FSIP1: variants seen among roughly 807,000 people sequenced by gnomAD.
FSIP1 encodes fibrous sheath-interacting protein 1.
FSIP1 carries 65 observed loss-of-function variants against 60.9 expected under a neutral mutation model. The ratio of observed to expected loss-of-function variants is 1.07; its 90% CI spans 0.87 to 1.31. The LOEUF is 1.31. Among genes scored for constraint, FSIP1 ranks in the 40% most tolerant of loss-of-function variants. The probability of loss-of-function intolerance (pLI) is 0.00; values close to 1 mark genes in which losing one functional copy is unlikely to be tolerated. For synonymous variants in FSIP1, 209 were observed against 221.2 expected (o/e 0.94, Z 0.49); for missense variants, 675 against 665.5 (o/e 1.01, Z -0.16).
rs147828834 is a variant in FSIP1, at chr15:39,602,982, A to T, written c.1700-2056T>A. Among the ~76,000 whole-genome samples the T allele has an allele frequency of 8.2e-3, 1,243 of 152,284 alleles. 7 individuals are homozygous for T. The highest frequency in any genetic ancestry group is 0.014 in the Non-Finnish European group (950 of 68,022). On this transcript the variant is annotated intron_variant, in intron 11 of 11. Coordinates refer to ENST00000350221, the MANE Select transcript of FSIP1 (RefSeq NM_152597.5). ...CTGGGGGAAATTTTGCCCCCAAAGA[A>T]CATTTTTTGCAATGTCTGGAGACAT...
At chr15:39,706,596 A>G (rs1417747148) in intron 10 of FSIP1, among the ~76,000 whole-genome samples, 1 of 152,238 alleles carries the variant, frequency 6.6e-6, no homozygotes. Context: ...TTCTGTTTAT[A>G]GACACAACAT....
intron 5 of FSIP1, among the ~76,000 whole-genome samples, chr15:39,748,177 T>A (rs1019232610): frequency 6.6e-5 from 10 of 152,196 alleles, no homozygotes; most frequent in Non-Finnish European, 1.5e-4. Flanking sequence ...TTCTTCTTTT[T>A]TGGTTTCACA....
rs547162821 is a variant in FSIP1 at position 39,610,523 on chromosome 15, G to T, written c.1699+7212C>A. Among the ~76,000 whole-genome samples, 23 of 152,258 alleles carry T rather than the reference G, an allele frequency of 1.5e-4. No homozygotes were observed. The South Asian group carries it at 2.3e-3, about 15-fold the overall frequency. On this transcript the variant is annotated intron_variant, in intron 11 of 11. Coordinates refer to ENST00000350221, the MANE Select transcript of FSIP1 (RefSeq NM_152597.5). The stretch of plus-strand genomic sequence containing the variant: ...TCTGCTAAAAATACAAAAATTTGCT[G>T]GGCATGGTGGTGCGTGCCTGCAGTC...
chr15:39,616,462 A>C (rs1427909894), intron 11 of FSIP1, among the ~76,000 whole-genome samples: 2 of 150,884 alleles, frequency 1.3e-5, no homozygotes, highest in African/African-American at 2.4e-5. Context: ...AGAAAACTTA[A>C]CAGAGGGGAC....
chr15:39,607,870 G>A (rs1401109001), intron 11 of FSIP1, among the ~76,000 whole-genome samples: 2 of 152,192 alleles, frequency 1.3e-5, no homozygotes, highest in Non-Finnish European at 2.9e-5. Flanking sequence ...ACACTCTTGT[G>A]TATCTATTTC....
chr15:39,642,167 T>C (rs1892395351), intron 10 of FSIP1, among the ~76,000 whole-genome samples: 1 of 152,150 alleles, frequency 6.6e-6, no homozygotes, highest in Non-Finnish European at 1.5e-5. Flanking sequence ...CAAGTATTCA[T>C]GGTGCAAAAA....
chr15:39,663,419 A>G (rs915964165), intron 10 of FSIP1, among the ~76,000 whole-genome samples: 16 of 152,264 alleles, frequency 1.1e-4, no homozygotes, highest in Middle Eastern at 3.4e-3. Flanking sequence ...AATAACCTCT[A>G]TATCTGTCTA....
intron 5 of FSIP1, among the ~76,000 whole-genome samples, chr15:39,758,216 G>C (rs759576198): frequency 2.0e-5 from 3 of 151,874 alleles, no homozygotes; most frequent in Non-Finnish European, 2.9e-5. Context: ...GTTTTGATTT[G>C]GTTTTGAAAA....
At chr15:39,683,162 C>A (rs1412339410) in intron 10 of FSIP1, among the ~76,000 whole-genome samples, 1 of 152,138 alleles carries the variant, frequency 6.6e-6, no homozygotes, top group African/African-American at 2.4e-5. Flanking sequence ...GGTCCAAACA[C>A]AAGCCTACTT....
intron 10 of FSIP1, among the ~76,000 whole-genome samples, chr15:39,650,324 C>T (rs2140434785): frequency 6.6e-6 from 1 of 152,312 alleles, no homozygotes; most frequent in South Asian, 2.1e-4. Flanking sequence ...ATGTTGCCTA[C>T]TATTATTTAA....
At chr15:39,760,351 A>G (rs1178214445) in intron 5 of FSIP1, among the ~76,000 whole-genome samples, 1 of 152,180 alleles carries the variant, frequency 6.6e-6, no homozygotes, top group East Asian at 1.9e-4. Context: ...ATCTCCCCCA[A>G]GATATGTATT....
intron 10 of FSIP1, among the ~76,000 whole-genome samples, chr15:39,699,990 C>A (rs948775928): frequency 6.6e-6 from 1 of 152,216 alleles, no homozygotes; most frequent in East Asian, 1.9e-4. Flanking sequence ...TCACTCACTA[C>A]GTGATTCACT....
intron 10 of FSIP1, among the ~76,000 whole-genome samples, chr15:39,635,745 T>C (rs1473127631): frequency 1.1e-4 from 17 of 152,120 alleles, no homozygotes. Flanking sequence ...TCATCCTGAT[T>C]AAATACCCAT....
At chr15:39,606,106 C>CT (rs762268762) in intron 11 of FSIP1, among the ~76,000 whole-genome samples, 42 of 152,166 alleles carry the variant, frequency 2.8e-4, no homozygotes, top group Non-Finnish European at 4.7e-4. Context: ...TAATTTGGTC[C>CT]TTTGAGTAAC....
chr15:39,727,375 G>A (rs1283260712), intron 8 of FSIP1, among the ~76,000 whole-genome samples: 1 of 152,216 alleles, frequency 6.6e-6, no homozygotes, highest in African/African-American at 2.4e-5. Flanking sequence ...TTAACAAGGT[G>A]TGAAGAGTGC....
At chr15:39,728,998 A>T (rs1896304905) in intron 8 of FSIP1, among the ~76,000 whole-genome samples, 1 of 152,230 alleles carries the variant, frequency 6.6e-6, no homozygotes, top group African/African-American at 2.4e-5. Flanking sequence ...AAAACGCTCG[A>T]CATCACTAAT....
chr15:39,759,869 T>C (rs916653766), intron 5 of FSIP1, among the ~76,000 whole-genome samples: 21 of 152,166 alleles, frequency 1.4e-4, no homozygotes, highest in Admixed American at 3.9e-4. Context: ...AGGCTACCTA[T>C]GATGGAATTT....
chr15:39,606,210 C>T (rs1243146847), intron 11 of FSIP1, among the ~76,000 whole-genome samples: 1 of 152,228 alleles, frequency 6.6e-6, no homozygotes, highest in African/African-American at 2.4e-5. Context: ...GAACATGGAA[C>T]ATTCAATGGT....
chr15:39,629,971 A>T (rs1891813935), intron 10 of FSIP1, among the ~76,000 whole-genome samples: 1 of 152,180 alleles, frequency 6.6e-6, no homozygotes, highest in Non-Finnish European at 1.5e-5. Flanking sequence ...CTCCACATTT[A>T]ACTTGTTAAT....
Sources: allele counts gnomAD v4.1 joint callset (sites outside exome capture counted in the v4.1 genomes callset), GRCh38; gene constraint gnomAD v4.1.1; transcripts MANE v1.5; gene names NCBI Gene and HGNC (gene_info 2026-07-23, HGNC 2026-07-21).